LPP: variants seen among roughly 807,000 people sequenced by gnomAD.
LPP encodes LIM domain containing preferred translocation partner in lipoma, also known as lipoma-preferred partner.
Under a neutral mutation model 60.4 loss-of-function variants are expected in LPP, and 38 were observed. That is an observed-to-expected ratio of 0.63 (90% CI 0.49 to 0.83). The LOEUF is 0.83. Ranked by LOEUF, LPP falls within the 40% of genes least tolerant of loss-of-function variation. LPP has a pLI of 0.00. For synonymous variants in LPP, 328 were observed against 290.8 expected, an observed-to-expected ratio of 1.13 and a Z score of -1.30; for missense variants, 902 against 783.6, an observed-to-expected ratio of 1.15 and a Z score of -1.80.
rs750223155 is a variant in LPP, at chr3:188,664,617, C to CTG, written c.1114-43631_1114-43630dup. Reference sequence around the variant, plus strand: ...TATATGTGTATGTGTGTGTGTGTGTCTGTGTGTGTGTGTGTGTGTGGAGAG... The same window carrying CTG: ...TATATGTGTATGTGTGTGTGTGTGTCTGTGTGTGTGTGTGTGTGTGTGGAGAG... On this transcript the variant is annotated intron_variant, in intron 7 of 11. Transcript: ENST00000617246. Among the ~76,000 whole-genome samples the CTG allele has an allele frequency of 1.9e-3, 277 of 147,254 alleles. 1 individual carries two copies. The highest frequency in any genetic ancestry group is 4.3e-3 in the South Asian group (20 of 4,614).
chr3:188,404,385 C>G (rs1782933793), intron 3 of LPP, among the ~76,000 whole-genome samples: 1 of 152,160 alleles, frequency 6.6e-6, no homozygotes. Context: ...GCTGGAACAA[C>G]AGGTGTGCGC....
At chr3:188,317,000 A>G (rs912745447) in intron 2 of LPP, among the ~76,000 whole-genome samples, 2 of 152,164 alleles carry the variant, frequency 1.3e-5, no homozygotes, top group African/African-American at 4.8e-5. Flanking sequence ...CCCTGAGGGG[A>G]AAGCTGTGAT....
At chr3:188,739,224 C>CG (rs1560138157) in intron 8 of LPP, among the ~76,000 whole-genome samples, 3 of 151,780 alleles carry the variant, frequency 2.0e-5, no homozygotes, top group East Asian at 1.9e-4. Context: ...CAGTTTTAAA[C>CG]GGGCAATCCA....
At chr3:188,488,110 A>G (rs1054813886) in intron 5 of LPP, among the ~76,000 whole-genome samples, 4 of 151,862 alleles carry the variant, frequency 2.6e-5, no homozygotes, top group African/African-American at 9.7e-5. Context: ...GAATTTGAAA[A>G]ATCTTGACTC....
intron 2 of LPP, chr3:188,240,185 A>C: frequency 5.5e-6 from 1 of 182,318 alleles, no homozygotes; most frequent in Admixed American, 6.3e-5. Flanking sequence ...TGTAAATGAT[A>C]TCTGTGTGTT....
rs56288358 is a variant in LPP, at chr3:188,876,188, C to T, written c.*1709C>T. 40 of 185,932 alleles carry T rather than the reference C, an allele frequency of 2.2e-4. No homozygotes were observed. Among genetic ancestry groups the T allele is most frequent in the Non-Finnish European group, 4.1e-4 (36 of 87,790 alleles). The allele number at this position is 185,932 out of a possible 1,614,324, so 11.5% of individuals were successfully genotyped here. On this transcript the variant is annotated 3_prime_UTR_variant, in exon 12 of 12. Transcript: ENST00000617246. ...GAACTGAAATAAAAAATTATGGATA[C>T]GTGTTTTGAATTGCAAACTATTCCT...
chr3:188,186,707 C>T (rs1385574016), intron 1 of LPP, among the ~76,000 whole-genome samples: 9 of 151,910 alleles, frequency 5.9e-5, no homozygotes, highest in Non-Finnish European at 1.2e-4. Flanking sequence ...CAAACCGGTT[C>T]CATTACCCAT....
At chr3:188,706,316 C>A (rs929530808) in intron 7 of LPP, among the ~76,000 whole-genome samples, 1 of 152,166 alleles carries the variant, frequency 6.6e-6, no homozygotes, top group Admixed American at 6.5e-5. Context: ...TCCTGGCAAG[C>A]AACTCAATTT....
At chr3:188,239,170 C>A (rs1183575279) in intron 2 of LPP, among the ~76,000 whole-genome samples, 1 of 152,254 alleles carries the variant, frequency 6.6e-6, no homozygotes, top group Non-Finnish European at 1.5e-5. Flanking sequence ...GGGCTCTCCA[C>A]TCCGTTTCTC....
In LPP at chr3:188,885,951, C is replaced by G. The variant is rs188737245; in HGVS notation, c.*11472C>G. ...ATAAATGTCTTCTTTTGAGAAGTGTCTGTTCAATACTATGCAGCCATAAAA... is the reference window on the plus strand; with the variant it reads ...ATAAATGTCTTCTTTTGAGAAGTGTGTGTTCAATACTATGCAGCCATAAAA... On this transcript the variant is annotated 3_prime_UTR_variant, in exon 12 of 12. Coordinates refer to ENST00000617246, the MANE Select transcript of LPP (RefSeq NM_001375462.1). 3 of 152,244 alleles carry G rather than the reference C, an allele frequency of 2.0e-5. No homozygotes were observed. The highest frequency in any genetic ancestry group is 7.2e-5 in the African/African-American group (3 of 41,542). 9.4% of individuals were successfully genotyped at this position (152,244 alleles called of 1,614,324 possible). A position where few individuals can be genotyped will look rare whatever the true frequency, so the allele number is the denominator to read the frequency against.
intron 2 of LPP, among the ~76,000 whole-genome samples, chr3:188,333,186 C>T (rs954887189): frequency 6.6e-6 from 1 of 152,102 alleles, no homozygotes; most frequent in Non-Finnish European, 1.5e-5. Flanking sequence ...TTGTGGATTT[C>T]CTTAAATAAG....
rs1400180049 is a variant in LPP at position 188,874,921 on chromosome 3, A to G, written c.*442A>G. ...ATTTCCGTTTTGCCTGTGACTGTAA[A>G]GAGTAGCCATTCTTTTCCCATGTAT... On this transcript the variant is annotated 3_prime_UTR_variant, in exon 12 of 12. Coordinates refer to ENST00000617246, the MANE Select transcript of LPP (RefSeq NM_001375462.1). 3 of 233,152 alleles carry G rather than the reference A, an allele frequency of 1.3e-5. No homozygotes were observed. The highest frequency in any genetic ancestry group is 6.2e-5 in the East Asian group (1 of 16,194). 14.4% of individuals were successfully genotyped at this position (233,152 alleles called of 1,614,324 possible). A position where few individuals can be genotyped will look rare whatever the true frequency, so the allele number is the denominator to read the frequency against.
In LPP at chr3:188,877,865, C is replaced by T; in HGVS notation, c.*3386C>T. ...TGGGTTCTTTTTCTTGTCATTAACACATTGTTATTTCTGTAGGAGCAACTT... is the reference window on the plus strand; with the variant it reads ...TGGGTTCTTTTTCTTGTCATTAACATATTGTTATTTCTGTAGGAGCAACTT... On this transcript the variant is annotated 3_prime_UTR_variant, in exon 12 of 12. Coordinates refer to ENST00000617246, the MANE Select transcript of LPP (RefSeq NM_001375462.1). 4.6e-6 allele frequency: 1 copy of T among 215,124 alleles called. No individual in the cohort carries two copies. Among genetic ancestry groups the T allele is most frequent in the Non-Finnish European group, 9.4e-6 (1 of 106,598 alleles). 13.3% of individuals were successfully genotyped at this position (215,124 alleles called of 1,614,324 possible).
intron 9 of LPP, among the ~76,000 whole-genome samples, chr3:188,859,842 G>C (rs1764765311): frequency 6.6e-6 from 1 of 152,164 alleles, no homozygotes; most frequent in African/African-American, 2.4e-5. Context: ...GTACAGTTTA[G>C]AGATTTGATG....
intron 6 of LPP, among the ~76,000 whole-genome samples, chr3:188,564,613 G>C (rs1186687583): frequency 6.6e-6 from 1 of 151,912 alleles, no homozygotes; most frequent in East Asian, 1.9e-4. Context: ...CAGGAACCAA[G>C]ATGTGCTTAA....
intron 6 of LPP, among the ~76,000 whole-genome samples, chr3:188,532,360 G>A (rs1197801614): frequency 6.6e-6 from 1 of 152,164 alleles, no homozygotes; most frequent in Non-Finnish European, 1.5e-5. Context: ...AGGAGACAGA[G>A]GTTGCAGTGA....
At chr3:188,414,601 A>G (rs1423786935) in intron 4 of LPP, among the ~76,000 whole-genome samples, 1 of 152,204 alleles carries the variant, frequency 6.6e-6, no homozygotes, top group African/African-American at 2.4e-5. Flanking sequence ...ATAAACTGTA[A>G]AATTCTAGAA....
chr3:188,725,916 A>G (rs986720727), intron 8 of LPP, among the ~76,000 whole-genome samples: 1 of 152,160 alleles, frequency 6.6e-6, no homozygotes. Flanking sequence ...CAGACAAACA[A>G]TTCAATAGGG....
intron 2 of LPP, among the ~76,000 whole-genome samples, chr3:188,243,040 A>C (rs1407733473): frequency 2.0e-5 from 3 of 152,228 alleles, no homozygotes; most frequent in African/African-American, 7.2e-5. Flanking sequence ...TAACTTTAAA[A>C]TGCCAAAACA....
Sources: gnomAD v4.1 joint callset for allele counts (sites outside exome capture counted in the v4.1 genomes callset) on GRCh38, gnomAD v4.1.1 for gene constraint, MANE v1.5 for transcripts, NCBI Gene and HGNC (gene_info 2026-07-23, HGNC 2026-07-21) for gene names.